Variants in CHLSN observed in about 807,000 individuals in gnomAD.
CHLSN encodes cholesin.
At chr7:1,019,798 G>A in the CHLSN span, among the ~76,000 whole-genome samples, 6 of 152,324 alleles carry the variant, frequency 3.9e-5, no homozygotes, top group African/African-American at 1.4e-4. Flanking sequence ...CTGATGGAGT[G>A]TGGGGGGCTG....
chr7:1,136,287 AAT>A, the CHLSN span, among the ~76,000 whole-genome samples: 7 of 118,874 alleles, frequency 5.9e-5, no homozygotes, highest in South Asian at 5.2e-4. Context: ...AATATATATA[AAT>A]ATATATAAAC....
the CHLSN span, among the ~76,000 whole-genome samples, chr7:1,086,461 C>A: frequency 6.6e-6 from 1 of 152,176 alleles, no homozygotes; most frequent in African/African-American, 2.4e-5. Context: ...CTTTCTACTG[C>A]TGGAAGAAAA....
chr7:981,506 G>T, the CHLSN span, among the ~76,000 whole-genome samples: 1 of 151,584 alleles, frequency 6.6e-6, no homozygotes, highest in African/African-American at 2.4e-5. Flanking sequence ...ATGAGGTCAA[G>T]AGATCGAGAC....
chr7:988,321 G>A, the CHLSN span: 1 of 1,611,334 alleles, frequency 6.2e-7, no homozygotes, highest in Non-Finnish European at 8.5e-7. Flanking sequence ...TCCTGGATGA[G>A]ACACAGTGGC....
At chr7:1,008,890 A>G in the CHLSN span, among the ~76,000 whole-genome samples, 2 of 88,914 alleles carry the variant, frequency 2.2e-5, no homozygotes, top group Non-Finnish European at 4.4e-5. Context: ...ACTCGTATAC[A>G]CATGCACACA....
the CHLSN span, among the ~76,000 whole-genome samples, chr7:1,014,630 G>T: frequency 6.6e-6 from 1 of 152,256 alleles, no homozygotes; most frequent in Admixed American, 6.5e-5. Context: ...AGGAAACGTG[G>T]GACAAACACG....
chr7:1,015,859 A>G, the CHLSN span, among the ~76,000 whole-genome samples: 1 of 151,984 alleles, frequency 6.6e-6, no homozygotes, highest in Non-Finnish European at 1.5e-5. Flanking sequence ...GCTGACCGCC[A>G]CTCTCCTTCC....
At chr7:1,012,398 C>T in the CHLSN span, among the ~76,000 whole-genome samples, 45 of 152,368 alleles carry the variant, frequency 3.0e-4, no homozygotes, top group Non-Finnish European at 5.4e-4. Context: ...CAGGCCGTCC[C>T]ATATCGGGGC....
the CHLSN span, among the ~76,000 whole-genome samples, chr7:1,098,516 C>T: frequency 6.6e-6 from 1 of 152,250 alleles, no homozygotes; most frequent in Non-Finnish European, 1.5e-5. Context: ...GATAAAGTCA[C>T]AGTCAGGGAG....
chr7:1,090,966 A>AC, the CHLSN span, among the ~76,000 whole-genome samples: 1 of 139,820 alleles, frequency 7.2e-6, no homozygotes, highest in African/African-American at 2.8e-5. Flanking sequence ...AGCTTTCTGG[A>AC]CCCACTCTCT....
chr7:1,057,844 A>G, the CHLSN span: 20 of 777,300 alleles, frequency 2.6e-5, no homozygotes, highest in Non-Finnish European at 1.7e-5. Context: ...ATCCCCTTCA[A>G]TGTGTCCTCA....
At chr7:1,115,487 C>CA in the CHLSN span, among the ~76,000 whole-genome samples, 12 of 151,096 alleles carry the variant, frequency 7.9e-5, 1 homozygote, top group Non-Finnish European at 1.3e-4. Context: ...CGCAGGATGA[C>CA]TTCACTACAG....
the CHLSN span, among the ~76,000 whole-genome samples, chr7:1,070,116 C>T: frequency 1.2e-5 from 1 of 83,990 alleles, no homozygotes; most frequent in Admixed American, 1.1e-4. Context: ...GCCTGGCAAC[C>T]ACCCCGTCTG....
At chr7:1,000,294 C>T in the CHLSN span, among the ~76,000 whole-genome samples, 58 of 151,444 alleles carry the variant, frequency 3.8e-4, no homozygotes, top group African/African-American at 1.1e-3. Context: ...CCTGCCCCGC[C>T]GTGCACAGAC....
At chr7:1,052,683 G>T in the CHLSN span, among the ~76,000 whole-genome samples, 1 of 152,146 alleles carries the variant, frequency 6.6e-6, no homozygotes, top group Admixed American at 6.5e-5. This position sits in a 1 kb window ranked among gnomAD's most constrained non-coding sequence, Gnocchi z 4.2. Flanking sequence ...CCTGCTGGCT[G>T]AGGGTGCAGT....
chr7:1,016,749 C>T, the CHLSN span, among the ~76,000 whole-genome samples: 1 of 113,786 alleles, frequency 8.8e-6, no homozygotes. Context: ...CAGCGCACAG[C>T]AGCACACGCC....
chr7:1,127,257 C>T, the CHLSN span: 2 of 1,596,534 alleles, frequency 1.3e-6, no homozygotes, highest in South Asian at 2.3e-5. Flanking sequence ...GCGGCCTTAC[C>T]TTGGAGCCGG....
the CHLSN span, among the ~76,000 whole-genome samples, chr7:1,108,483 C>T: frequency 6.6e-6 from 1 of 152,206 alleles, no homozygotes; most frequent in African/African-American, 2.4e-5. Flanking sequence ...ACGAATCTCA[C>T]GGCCCAAACG....
the CHLSN span, chr7:1,092,512 C>T: frequency 1.2e-6 from 2 of 1,608,090 alleles, no homozygotes; most frequent in South Asian, 2.2e-5. Context: ...CCGCATGATC[C>T]TCGCGGTGGT....
Sources: allele counts gnomAD v4.1 joint callset (sites outside exome capture counted in the v4.1 genomes callset), GRCh38; gene constraint gnomAD v4.1.1; non-coding constraint Gnocchi (gnomAD v3.1); transcripts MANE v1.5; gene names NCBI Gene and HGNC (gene_info 2026-07-23, HGNC 2026-07-21).